CNTN5: variants seen among roughly 807,000 people sequenced by gnomAD.
The protein encoded by CNTN5 is contactin 5.
Under a neutral mutation model 129.1 loss-of-function variants are expected in CNTN5, and 77 were observed. The observed-to-expected ratio is 0.60, with a 90% CI of 0.50 to 0.72. The LOEUF is 0.72. CNTN5 is among the 30% of genes least tolerant of loss of function. CNTN5 has a pLI of 0.00. For missense variants in CNTN5, 1,478 were observed against 1,328.8 expected (o/e 1.11, Z -1.75); for synonymous variants, 509 against 465.6 (o/e 1.09, Z -1.20).
chr11:99,512,596 T>A (rs1302814266), intron 2 of CNTN5, among the ~76,000 whole-genome samples: 1 of 152,178 alleles, frequency 6.6e-6, no homozygotes, highest in Non-Finnish European at 1.5e-5. Context: ...TTCAACATCA[T>A]GTGCTCACTT....
intron 6 of CNTN5, among the ~76,000 whole-genome samples, chr11:99,913,412 A>G (rs1949711307): frequency 6.6e-6 from 1 of 151,958 alleles, no homozygotes; most frequent in Non-Finnish European, 1.5e-5. Context: ...CCATGAAAGT[A>G]CAGACTTCTT....
In CNTN5 at chr11:100,067,877, G is replaced by T. The variant is rs553487607; in HGVS notation, c.1163-2547G>T. On this transcript the variant is annotated intron_variant, in intron 10 of 24. Coordinates refer to ENST00000524871, the MANE Select transcript of CNTN5 (RefSeq NM_014361.4). ...GGAAGGAAAAAATTAATTCATATTT[G>T]TATTAATGTCATTAATCATATGTTT... is the stretch of plus-strand genomic sequence containing the variant. Among the ~76,000 whole-genome samples, 4 of 151,842 alleles carry T rather than the reference G, an allele frequency of 2.6e-5. No individual in the cohort carries two copies. In the South Asian group the frequency reaches 8.3e-4, roughly 32 times the overall value.
At chr11:99,331,555 A>G (rs1865999843) in intron 2 of CNTN5, among the ~76,000 whole-genome samples, 1 of 152,136 alleles carries the variant, frequency 6.6e-6, no homozygotes, top group Non-Finnish European at 1.5e-5. Flanking sequence ...ATTGTGACAA[A>G]ACACCTTGGT....
intron 2 of CNTN5, among the ~76,000 whole-genome samples, chr11:99,390,348 G>A (rs760084615): frequency 1.3e-5 from 2 of 151,998 alleles, no homozygotes; most frequent in African/African-American, 4.8e-5. Context: ...TGAACCCATG[G>A]CTCAAACTAT....
chr11:99,501,871 G>A, intron 2 of CNTN5, among the ~76,000 whole-genome samples: 1 of 152,146 alleles, frequency 6.6e-6, no homozygotes, highest in East Asian at 1.9e-4. Flanking sequence ...TAAAAATGTG[G>A]AAGGCCTGAC....
At chr11:99,076,150 A>G (rs915815996) in intron 1 of CNTN5, among the ~76,000 whole-genome samples, 3 of 152,022 alleles carry the variant, frequency 2.0e-5, no homozygotes, top group Admixed American at 6.6e-5. Context: ...CCTGACCAGC[A>G]TGGTGAAACC....
At chr11:99,481,641 G>A (rs1469496158) in intron 2 of CNTN5, among the ~76,000 whole-genome samples, 1 of 152,112 alleles carries the variant, frequency 6.6e-6, no homozygotes, top group Non-Finnish European at 1.5e-5. Flanking sequence ...AGACTCTTCA[G>A]GAGTTGGCCC....
intron 3 of CNTN5, among the ~76,000 whole-genome samples, chr11:99,697,639 G>A (rs1414202025): frequency 6.7e-6 from 1 of 148,622 alleles, no homozygotes; most frequent in Non-Finnish European, 1.5e-5. Context: ...AGTAACATTA[G>A]AGAAAATTAG....
At chr11:99,451,618 AT>A (rs1944304785) in intron 2 of CNTN5, among the ~76,000 whole-genome samples, 1 of 152,124 alleles carries the variant, frequency 6.6e-6, no homozygotes, top group African/African-American at 2.4e-5. Flanking sequence ...GAGCAGAATT[AT>A]TTTTTTGCCG....
intron 1 of CNTN5, among the ~76,000 whole-genome samples, chr11:99,059,687 A>G (rs977419698): frequency 2.0e-5 from 3 of 152,060 alleles, no homozygotes; most frequent in South Asian, 2.1e-4. Context: ...CAGTCTCTCT[A>G]TTAATAGTTC....
At chr11:99,717,806 ATAT>A (rs1380876488) in intron 3 of CNTN5, among the ~76,000 whole-genome samples, 14 of 152,236 alleles carry the variant, frequency 9.2e-5, no homozygotes, top group African/African-American at 3.4e-4. Flanking sequence ...AATACTTTAA[ATAT>A]TATTCTGAAC....
intron 3 of CNTN5, among the ~76,000 whole-genome samples, chr11:99,732,807 T>G (rs938471379): frequency 4.6e-5 from 7 of 151,982 alleles, no homozygotes; most frequent in Non-Finnish European, 7.4e-5. Context: ...AGGAATAGTA[T>G]GAAAGATTAG....
At chr11:99,794,319 C>T (rs11221428) in intron 3 of CNTN5, among the ~76,000 whole-genome samples, 22,819 of 151,808 alleles carry the variant, frequency 0.15, 1,861 homozygotes, top group Non-Finnish European at 0.17. Context: ...ATGGGTGTCA[C>T]TGCATGTGAG....
At chr11:100,260,456 T>A (rs562921542) in intron 17 of CNTN5, among the ~76,000 whole-genome samples, 7 of 152,234 alleles carry the variant, frequency 4.6e-5, no homozygotes, top group Admixed American at 1.3e-4. Flanking sequence ...GAGGCCAACA[T>A]CATCCTGATA....
chr11:99,083,910 A>G (rs1434027646), intron 1 of CNTN5, among the ~76,000 whole-genome samples: 1 of 152,128 alleles, frequency 6.6e-6, no homozygotes, highest in Non-Finnish European at 1.5e-5. Context: ...CTTAATGTAG[A>G]TTTCTGGCAT....
intron 9 of CNTN5, among the ~76,000 whole-genome samples, chr11:100,017,343 T>A (rs72994895): frequency 0.025 from 3,766 of 152,116 alleles, 62 homozygotes; most frequent in Middle Eastern, 0.048. Context: ...ATAGATTTAG[T>A]AGACCCAATG....
intron 1 of CNTN5, among the ~76,000 whole-genome samples, chr11:99,065,299 T>A (rs1023288697): frequency 3.3e-5 from 5 of 152,144 alleles, no homozygotes; most frequent in African/African-American, 7.2e-5. Flanking sequence ...AGCATGCTGT[T>A]CTCTCCAGGG....
intron 9 of CNTN5, among the ~76,000 whole-genome samples, chr11:100,035,247 A>G (rs1260464286): frequency 2.0e-5 from 3 of 151,506 alleles, no homozygotes; most frequent in Non-Finnish European, 2.9e-5. Context: ...GTGATAGTTT[A>G]CTGAGAATGA....
chr11:100,068,369 C>G (rs1023233721), intron 10 of CNTN5, among the ~76,000 whole-genome samples: 3 of 152,080 alleles, frequency 2.0e-5, no homozygotes, highest in African/African-American at 7.2e-5. Flanking sequence ...TGATTAATAC[C>G]TCTTACTTAA....
Sources: allele counts gnomAD v4.1 joint callset (sites outside exome capture counted in the v4.1 genomes callset), GRCh38; gene constraint gnomAD v4.1.1; transcripts MANE v1.5; gene names NCBI Gene and HGNC (gene_info 2026-07-23, HGNC 2026-07-21).